The following LRRC69 variants were observed in gnomAD, a reference collection of about 807,000 sequenced individuals.
LRRC69 encodes the protein leucine rich repeat containing 69, also known as leucine-rich repeat-containing protein 69.
A neutral mutation model predicts 37.8 loss-of-function variants in LRRC69; 42 were observed. The ratio of observed to expected loss-of-function variants is 1.11; its 90% CI spans 0.87 to 1.44. The LOEUF is 1.44. Ranked by LOEUF, LRRC69 falls within the 40% of genes most tolerant of loss-of-function variation. LRRC69 has a pLI of 0.00. For missense variants in LRRC69, 357 were observed against 401.9 expected, an observed-to-expected ratio of 0.89 and a Z score of 0.96; for synonymous variants, 141 against 143.1, an observed-to-expected ratio of 0.99 and a Z score of 0.11.
intron 5 of LRRC69, among the ~76,000 whole-genome samples, chr8:91,187,977 T>C (rs1413884612): frequency 6.6e-6 from 1 of 152,140 alleles, no homozygotes; most frequent in African/African-American, 2.4e-5. Context: ...TATGGAATGA[T>C]ATCCTTTAGG....
At chr8:91,197,831 A>C (rs1809642801) in intron 6 of LRRC69, among the ~76,000 whole-genome samples, 1 of 148,780 alleles carries the variant, frequency 6.7e-6, no homozygotes, top group Admixed American at 6.7e-5. Flanking sequence ...GGAGCTGTAG[A>C]CTGGAGCTGT....
At chr8:91,136,197 A>G (rs1476979309) in intron 5 of LRRC69, among the ~76,000 whole-genome samples, 2 of 151,982 alleles carry the variant, frequency 1.3e-5, no homozygotes, top group Non-Finnish European at 2.9e-5. Flanking sequence ...AATATGGAGA[A>G]ACCGTTTGTC....
intron 5 of LRRC69, among the ~76,000 whole-genome samples, chr8:91,160,575 G>A (rs907466893): frequency 6.6e-6 from 1 of 150,988 alleles, no homozygotes; most frequent in Admixed American, 6.6e-5. Flanking sequence ...ATGAGATCTG[G>A]TTGTTTAAAA....
chr8:91,150,365 C>T (rs1808710144), intron 5 of LRRC69, among the ~76,000 whole-genome samples: 1 of 151,946 alleles, frequency 6.6e-6, no homozygotes, highest in Non-Finnish European at 1.5e-5. Flanking sequence ...GTCATTGGTT[C>T]TGTTTATGTG....
intron 4 of LRRC69, among the ~76,000 whole-genome samples, chr8:91,134,425 C>T (rs1323593316): frequency 3.3e-5 from 5 of 151,520 alleles, no homozygotes; most frequent in South Asian, 4.2e-4. Flanking sequence ...GAGAGCCCAG[C>T]GTTCTGAGGT....
rs186787557 is a variant in LRRC69, at chr8:91,176,050, T to A, written c.652-13472T>A. On this transcript the variant is annotated intron_variant, in intron 5 of 7. Coordinates refer to ENST00000448384, the Ensembl canonical transcript of LRRC69. ...CATCCTCTATTTCAGCTGCAATTGC[T>A]GTCACATTTCCATTGCCTCTTTCCT... Among the ~76,000 whole-genome samples, 9 of 150,198 alleles carry A rather than the reference T, an allele frequency of 6.0e-5. No individual in the cohort carries two copies. The East Asian group carries it at 1.6e-3, about 26-fold the overall frequency.
At chr8:91,215,950 G>A (rs1810038109) in intron 7 of LRRC69, among the ~76,000 whole-genome samples, 2 of 152,160 alleles carry the variant, frequency 1.3e-5, no homozygotes, top group African/African-American at 4.8e-5. Context: ...CAAGTGTTAA[G>A]GTGGTACGAG....
intron 5 of LRRC69, among the ~76,000 whole-genome samples, chr8:91,173,021 T>C (rs1259328305): frequency 1.3e-5 from 2 of 152,064 alleles, no homozygotes; most frequent in African/African-American, 4.8e-5. Context: ...GAAGCAAGTA[T>C]AATGCATTCT....
At chr8:91,181,202 T>A (rs2130598627) in intron 5 of LRRC69, among the ~76,000 whole-genome samples, 1 of 152,252 alleles carries the variant, frequency 6.6e-6, no homozygotes, top group South Asian at 2.1e-4. Flanking sequence ...GAAAAAAAGA[T>A]AAGAATTGGT....
chr8:91,141,187 G>C (rs887149373), intron 5 of LRRC69, among the ~76,000 whole-genome samples: 2 of 152,008 alleles, frequency 1.3e-5, no homozygotes, highest in Non-Finnish European at 2.9e-5. Flanking sequence ...CAACACTGTC[G>C]GTTGTTCAGT....
At chr8:91,116,536 A>G (rs905690026) in intron 1 of LRRC69, among the ~76,000 whole-genome samples, 1 of 106,024 alleles carries the variant, frequency 9.4e-6, no homozygotes, top group African/African-American at 2.6e-5. Context: ...ATGTGTCTGT[A>G]TACATATATA....
chr8:91,122,901 G>T (rs771124541), intron 1 of LRRC69, among the ~76,000 whole-genome samples: 18 of 152,094 alleles, frequency 1.2e-4, no homozygotes, highest in Admixed American at 3.9e-4. Context: ...TAAGGGTGCA[G>T]CCAGAAGTAA....
chr8:91,185,017 A>G (rs1287124127), intron 5 of LRRC69, among the ~76,000 whole-genome samples: 1 of 152,132 alleles, frequency 6.6e-6, no homozygotes, highest in Non-Finnish European at 1.5e-5. Context: ...TATGATTTGC[A>G]TTGTAAAGCA....
intron 5 of LRRC69, among the ~76,000 whole-genome samples, chr8:91,145,876 T>G (rs1166522472): frequency 6.6e-6 from 1 of 151,886 alleles, no homozygotes; most frequent in African/African-American, 2.4e-5. Context: ...TAAAATTTCA[T>G]GGGGTAGACT....
chr8:91,124,389 T>A, intron 1 of LRRC69, 104 bp from the exon 2 acceptor site: 1 of 817,882 alleles, frequency 1.2e-6, no homozygotes, highest in South Asian at 3.7e-5. Context: ...TATTTTGAAG[T>A]TTTCTTAGGT....
chr8:91,199,403 A>G (rs1809676298), intron 6 of LRRC69, among the ~76,000 whole-genome samples: 2 of 152,202 alleles, frequency 1.3e-5, no homozygotes, highest in Non-Finnish European at 2.9e-5. Flanking sequence ...TGTTTACTGT[A>G]TAAAGGCAGC....
intron 5 of LRRC69, among the ~76,000 whole-genome samples, chr8:91,163,340 C>T (rs959727979): frequency 6.6e-6 from 1 of 151,412 alleles, no homozygotes; most frequent in Non-Finnish European, 1.5e-5. Context: ...CCTGTTTATT[C>T]ATTGCTGTAT....
intron 1 of LRRC69, among the ~76,000 whole-genome samples, chr8:91,115,458 G>A (rs1028392365): frequency 6.6e-6 from 1 of 151,900 alleles, no homozygotes; most frequent in African/African-American, 2.4e-5. Context: ...TGTCACAGCA[G>A]GATTGTGTAT....
At chr8:91,126,064 T>C (rs1485170790) in intron 2 of LRRC69, among the ~76,000 whole-genome samples, 1 of 151,976 alleles carries the variant, frequency 6.6e-6, no homozygotes, top group African/African-American at 2.4e-5. Context: ...TCCCATGTGA[T>C]TGACCTAAGT....
Sources: allele counts gnomAD v4.1 joint callset (sites outside exome capture counted in the v4.1 genomes callset), GRCh38; gene constraint gnomAD v4.1.1; transcripts MANE v1.5; gene names NCBI Gene and HGNC (gene_info 2026-07-23, HGNC 2026-07-21).